The following BFSP1 variants were observed in gnomAD, a reference collection of about 807,000 sequenced individuals.
The protein encoded by BFSP1 is beaded filament structural protein 1.
A neutral mutation model predicts 43.9 loss-of-function variants in BFSP1; 38 were observed. The observed-to-expected ratio is 0.87, with a 90% CI of 0.67 to 1.14. The LOEUF (loss-of-function observed/expected upper bound fraction) is 1.14, where lower values mean the gene tolerates loss of function less well. BFSP1 is among the 50% of genes most tolerant of loss of function. The probability of loss-of-function intolerance (pLI) is 0.00; values close to 1 mark genes in which losing one functional copy is unlikely to be tolerated. For missense variants in BFSP1, 850 were observed against 875.1 expected, an observed-to-expected ratio of 0.97 and a Z score of 0.36; for synonymous variants, 352 against 354.8, an observed-to-expected ratio of 0.99 and a Z score of 0.09.
At chr20:17,506,576 T>C (rs1232287098) in intron 5 of BFSP1, among the ~76,000 whole-genome samples, 5 of 150,770 alleles carry the variant, frequency 3.3e-5, no homozygotes, top group African/African-American at 1.2e-4. Flanking sequence ...CAGGCTGGAG[T>C]GCAGTGGCTC....
intron 5 of BFSP1, among the ~76,000 whole-genome samples, chr20:17,504,260 T>A (rs1336014361): frequency 6.6e-6 from 1 of 152,162 alleles, no homozygotes; most frequent in African/African-American, 2.4e-5. Context: ...AGTGAAGTGA[T>A]GACTTGGTTT....
chr20:17,554,792 A>G (rs1392091030), intron 1 of BFSP1, among the ~76,000 whole-genome samples: 3 of 152,060 alleles, frequency 2.0e-5, no homozygotes, highest in Admixed American at 2.0e-4. Flanking sequence ...AAGAAATAGA[A>G]CTCTCATTTG....
rs558248111 is a variant in BFSP1 at position 17,521,448 on chromosome 20, C to T, written c.438+3400G>A. Among the ~76,000 whole-genome samples the T allele has an allele frequency of 2.0e-4, 30 of 152,326 alleles. No homozygotes were observed. In the East Asian group the frequency reaches 4.8e-3, roughly 24 times the overall value. On this transcript the variant is annotated intron_variant, in intron 2 of 7. Coordinates refer to ENST00000377873, the MANE Select transcript of BFSP1 (RefSeq NM_001195.5). ...CAAAGACTGGATCAGTGATGTCCCA[C>T]GGCCACACCCAGGGATGAATCCCTT...
chr20:17,497,086 A>C (rs2033652474), intron 6 of BFSP1, 63 bp from the exon 7 acceptor site: 1 of 1,297,472 alleles, frequency 7.7e-7, no homozygotes, highest in Non-Finnish European at 1.0e-6. Context: ...GACTCTCGTT[A>C]ATGTTGAGCA....
At chr20:17,530,121 C>T (rs970333888) in intron 1 of BFSP1, among the ~76,000 whole-genome samples, 1 of 151,996 alleles carries the variant, frequency 6.6e-6, no homozygotes, top group Non-Finnish European at 1.5e-5. Flanking sequence ...TAGGGTGGGC[C>T]CAAGAATCTG....
At position 17,531,043 on chromosome 20, in the gene BFSP1, C is replaced by T. The variant is rs770680760; in HGVS notation, c.287G>A (p.Arg96His). The stretch of plus-strand genomic sequence containing the variant: ...GGCCTCCAGGTCCCGGACGCGCTGG[C>T]GGTTGCTCTCGACTTGGCGGGCGAG... ...DALARQVESN[R>H]QRVRDLEAER... Residue 96 changes from arginine to histidine, a missense_variant, in exon 1 of 8, where the codon CGC (arginine) becomes CAC (histidine). Physicochemically the swap from Arg to His is conservative, Grantham distance 29 (BLOSUM62 0). Coordinates refer to ENST00000377873, the MANE Select transcript of BFSP1 (RefSeq NM_001195.5). The T allele has an allele frequency of 3.5e-6, 5 of 1,419,194 alleles. No individual in the cohort carries two copies. The highest frequency in any genetic ancestry group is 5.8e-5 in the Admixed American group (2 of 34,520). The allele number at this position is 1,419,194 out of a possible 1,614,324, so 87.9% of individuals were successfully genotyped here.
Position 17,494,504 on chromosome 20 carries a change from T to C in BFSP1, c.1568A>G (p.Asn523Ser), listed in dbSNP as rs765774440. Residue 523 changes from asparagine to serine, a missense_variant, in exon 8 of 8, where the codon AAT (asparagine) becomes AGT (serine). Transcript: ENST00000377873. ...SPESPKPPLENGQVGLQEKED... is the reference protein window; with the variant it reads ...SPESPKPPLESGQVGLQEKED... The stretch of plus-strand genomic sequence containing the variant: ...TTTCTCCTGCAGACCCACCTGCCCA[T>C]TCTCTAAAGGGGGCTTGGGTGACTC... The C allele has an allele frequency of 1.2e-6, 2 of 1,614,170 alleles. No homozygotes were observed.
intron 1 of BFSP1, among the ~76,000 whole-genome samples, chr20:17,550,132 T>C (rs1168826423): frequency 2.6e-5 from 4 of 152,188 alleles, no homozygotes; most frequent in African/African-American, 9.7e-5. Context: ...CTCTAATTGT[T>C]GCCAGGAAAG....
chr20:17,504,634 C>T (rs963488952), intron 5 of BFSP1, among the ~76,000 whole-genome samples: 2 of 152,186 alleles, frequency 1.3e-5, no homozygotes, highest in African/African-American at 4.8e-5. Flanking sequence ...GGGGAGGTCC[C>T]AGAAACTGCA....
intron 1 of BFSP1, among the ~76,000 whole-genome samples, chr20:17,545,620 C>T (rs190143410): frequency 6.6e-6 from 1 of 152,336 alleles, no homozygotes. Flanking sequence ...CTTTTCCAGT[C>T]ACAACCCATG....
chr20:17,566,032 C>G (rs375967756), intron 1 of BFSP1, among the ~76,000 whole-genome samples: 1 of 146,286 alleles, frequency 6.8e-6, no homozygotes, highest in Non-Finnish European at 1.5e-5. Context: ...GCAAGATAAT[C>G]GCTTGAACTC....
chr20:17,522,104 G>A (rs535751650), intron 2 of BFSP1, among the ~76,000 whole-genome samples: 1 of 152,308 alleles, frequency 6.6e-6, no homozygotes, highest in African/African-American at 2.4e-5. Flanking sequence ...CCAACATCAA[G>A]GTCCATGGGG....
intron 7 of BFSP1, among the ~76,000 whole-genome samples, chr20:17,496,056 C>CA (rs201050167): frequency 0.013 from 1,916 of 152,118 alleles, 15 homozygotes; most frequent in Admixed American, 0.019. Flanking sequence ...GGCCCAGTGC[C>CA]AAAAAAACCC....
At chr20:17,512,405 C>T (rs1350496202) in intron 3 of BFSP1, among the ~76,000 whole-genome samples, 1 of 145,056 alleles carries the variant, frequency 6.9e-6, no homozygotes, top group Admixed American at 6.9e-5. Flanking sequence ...GGCGGAGGCA[C>T]AAAAAAAAAA....
rs113709537 is a variant in BFSP1, at chr20:17,558,217, G to A, written c.2+471C>T. 5.5e-3 allele frequency among the ~76,000 whole-genome samples: 824 copies of A among 150,680 alleles called. 7 individuals carry two copies. The highest frequency in any genetic ancestry group is 0.019 in the African/African-American group (790 of 40,948). ...TCAACCTCATTAATTTTTATGATGC[G>A]TAAAATTTTTTCATTACATTAGCCA... On this transcript the variant is annotated intron_variant, in intron 1 of 7. Transcript: ENST00000377868.
chr20:17,498,930 C>G lies in BFSP1; in HGVS notation c.846G>C (p.Glu282Asp), dbSNP rs1210314927. The G allele has an allele frequency of 6.2e-7, 1 of 1,614,124 alleles. No individual in the cohort carries two copies. The highest frequency in any genetic ancestry group is 8.5e-7 in the Non-Finnish European group (1 of 1,180,054). Residue 282 changes from glutamate (E) to aspartate (D), a missense_variant, in exon 6 of 8, where the codon GAG (glutamate) becomes GAC (aspartate). Transcript: ENST00000377873. Reference sequence around the variant, plus strand: ...CGTAAGAAGACTTCTCCAGGACCCGCTCTGTCTCCTCAATCTCCTTGCGCA... The same window carrying G: ...CGTAAGAAGACTTCTCCAGGACCCGGTCTGTCTCCTCAATCTCCTTGCGCA... ...ETLRKEIEET[E>D]RVLEKSSYDC... is the part of the protein sequence containing the mutation.
At chr20:17,496,727 C>T (rs2033640393) in intron 7 of BFSP1, among the ~76,000 whole-genome samples, 1 of 152,164 alleles carries the variant, frequency 6.6e-6, no homozygotes, top group South Asian at 2.1e-4. Flanking sequence ...GGTAGCCTAG[C>T]CCCCTAGTCG....
At chr20:17,568,881 T>C (rs891046277) in intron 1 of BFSP1, among the ~76,000 whole-genome samples, 1 of 152,178 alleles carries the variant, frequency 6.6e-6, no homozygotes, top group Admixed American at 6.5e-5. Context: ...GGCCATGATG[T>C]TCTCGGTAAC....
chr20:17,535,610 A>G (rs1253841418), upstream of BFSP1, among the ~76,000 whole-genome samples: 2 of 152,172 alleles, frequency 1.3e-5, no homozygotes, highest in Non-Finnish European at 2.9e-5. Flanking sequence ...GATTCTGAAT[A>G]AAATGACATG....
Sources: gnomAD v4.1 joint callset for allele counts (sites outside exome capture counted in the v4.1 genomes callset) on GRCh38, gnomAD v4.1.1 for gene constraint, MANE v1.5 for transcripts, NCBI Gene and HGNC (gene_info 2026-07-23, HGNC 2026-07-21) for gene names.